SYMPK: variants seen among roughly 807,000 people sequenced by gnomAD.
SYMPK encodes symplekin.
A neutral mutation model predicts 136.4 loss-of-function variants in SYMPK; 49 were observed. The observed-to-expected ratio is 0.36, with a 90% CI of 0.29 to 0.46. The LOEUF (loss-of-function observed/expected upper bound fraction) is 0.46, where lower values mean the gene tolerates loss of function less well. Ranked by LOEUF, SYMPK falls within the 20% of genes least tolerant of loss-of-function variation. SYMPK has a pLI of 1.00. For missense variants in SYMPK, 1,365 were observed against 1,690.0 expected (o/e 0.81, Z 3.37); for synonymous variants, 766 against 713.0 (o/e 1.07, Z -1.19).
At chr19:45,841,642 A>G (rs1971439654) in intron 9 of SYMPK, among the ~76,000 whole-genome samples, 1 of 152,186 alleles carries the variant, frequency 6.6e-6, no homozygotes, top group Non-Finnish European at 1.5e-5. Context: ...TAAATGCTCT[A>G]GAAAAAAAGT....
At chr19:45,856,133 C>T (rs1017007854) in intron 1 of SYMPK, among the ~76,000 whole-genome samples, 42 of 152,104 alleles carry the variant, frequency 2.8e-4, no homozygotes, top group Non-Finnish European at 7.4e-5. Context: ...ACGGGTGGAT[C>T]GTCTGAGGTT....
chr19:45,826,559 G>A (rs572938639), intron 16 of SYMPK, among the ~76,000 whole-genome samples, 186 bp from the exon 17 acceptor site: 3 of 152,214 alleles, frequency 2.0e-5, no homozygotes, highest in East Asian at 3.9e-4. Flanking sequence ...GGCCGGACCC[G>A]CAGCACCACC....
intron 10 of SYMPK, among the ~76,000 whole-genome samples, chr19:45,836,034 ACATC>A (rs1971293587): frequency 1.3e-5 from 2 of 152,160 alleles, no homozygotes; most frequent in African/African-American, 4.8e-5. Context: ...CTAACAGAGA[ACATC>A]CATGGATGTC....
rs1310713021 is a variant in SYMPK, at chr19:45,815,706, C to T, written c.3688-9G>A. The T allele has an allele frequency of 1.9e-6, 3 of 1,608,144 alleles. No individual in the cohort carries two copies. Among genetic ancestry groups the T allele is most frequent in the Non-Finnish European group, 2.5e-6 (3 of 1,178,090 alleles). On this transcript the variant is annotated splice_polypyrimidine_tract_variant and intron_variant, in intron 26 of 26. Coordinates refer to ENST00000245934, the MANE Select transcript of SYMPK (RefSeq NM_004819.3). ...CCGCCCGCTGCCGTCTCCTGGTGAC[C>T]GGGGAAGGAAAGGGCAGCCGGGTGG...
intron 8 of SYMPK, among the ~76,000 whole-genome samples, chr19:45,843,729 A>C (rs1232801978): frequency 6.6e-6 from 1 of 151,724 alleles, no homozygotes; most frequent in African/African-American, 2.4e-5. Context: ...GGCGAATCAC[A>C]AGGTCAAGAG....
chr19:45,826,750 G>A (rs899523711), intron 16 of SYMPK, among the ~76,000 whole-genome samples: 13 of 152,192 alleles, frequency 8.5e-5, no homozygotes, highest in African/African-American at 3.1e-4. Context: ...GAGCCGTGAG[G>A]GAAGGGTCTG....
At chr19:45,827,084 G>GCTCT (rs1251643708) in intron 16 of SYMPK, among the ~76,000 whole-genome samples, 1 of 152,124 alleles carries the variant, frequency 6.6e-6, no homozygotes, top group East Asian at 1.9e-4. Flanking sequence ...GCCACACACT[G>GCTCT]CTCTGCTCAG....
Position 45,816,793 on chromosome 19 carries a change from G to A in SYMPK, c.3258+5C>T, listed in dbSNP as rs1217059642. The A allele has an allele frequency of 6.6e-7, 1 of 1,526,524 alleles. No homozygotes were observed. Among genetic ancestry groups the A allele is most frequent in the African/African-American group, 1.4e-5 (1 of 71,820 alleles). 94.6% of individuals were successfully genotyped at this position (1,526,524 alleles called of 1,614,324 possible). On this transcript the variant is annotated splice_donor_5th_base_variant and intron_variant, in intron 24 of 26. Transcript: ENST00000245934. The stretch of plus-strand genomic sequence containing the variant: ...GAAAGGGTACCTGGTGGGGGGAAGG[G>A]GTACCTGGTGGGGGGTGAAGGAGCG...
chr19:45,858,807 G>A (rs111318174), intron 1 of SYMPK, among the ~76,000 whole-genome samples: 3 of 151,818 alleles, frequency 2.0e-5, no homozygotes, highest in Admixed American at 6.6e-5. Flanking sequence ...GAGCCACCGC[G>A]CCCGGCCGAC....
Position 45,816,094 on chromosome 19 carries a change from G to C in SYMPK, c.3444C>G (p.Ala1148=), listed in dbSNP as rs1277103943. 7.1e-6 allele frequency: 11 copies of C among 1,557,252 alleles called. No individual in the cohort carries two copies. The East Asian group carries it at 2.4e-4, about 34-fold the overall frequency. ...GTTCCTCCTCCAGCTGCCGCTTTAAGGCCTTCTCCTGGGCCAGTCGCAGGC... is the reference window on the plus strand; with the variant it reads ...GTTCCTCCTCCAGCTGCCGCTTTAACGCCTTCTCCTGGGCCAGTCGCAGGC... ...LIGLRLAQEK[A]LKRQLEEEQK... The change falls in exon 26 of 27, where the codon GCC becomes GCG. Residue 1148 remains alanine, a synonymous_variant. Transcript: ENST00000245934.
intron 5 of SYMPK, among the ~76,000 whole-genome samples, chr19:45,850,590 A>G (rs1971675633): frequency 6.6e-6 from 1 of 152,218 alleles, no homozygotes; most frequent in South Asian, 2.1e-4. Context: ...CGAGGCTGCC[A>G]TAATTACGGA....
chr19:45,825,058 A>C, intron 18 of SYMPK, 113 bp downstream of exon 18: 1 of 1,389,974 alleles, frequency 7.2e-7, no homozygotes, highest in East Asian at 2.3e-5. Flanking sequence ...GCCCGGGGTG[A>C]CCACCCTTCG....
Position 45,821,620 on chromosome 19 carries a change from A to ATTTTTTAATGATACG in SYMPK, c.2792-136_2792-135insCGTATCATTAAAAAA. On this transcript the variant is annotated intron_variant, in intron 21 of 26. Transcript: ENST00000245934. This position sits in a 1 kb window ranked among gnomAD's most constrained non-coding sequence, Gnocchi z 4.4. ...CTGCTTTCAGGGCTGGAACAGGGGAAGCGACTGACAACATAAAAAGGGGAC... is the reference window on the plus strand; with the variant it reads ...CTGCTTTCAGGGCTGGAACAGGGGAATTTTTTAATGATACGGCGACTGACAACATAAAAAGGGGAC... 1 of 662,126 alleles carries ATTTTTTAATGATACG rather than the reference A, an allele frequency of 1.5e-6. No individual in the cohort carries two copies. Among genetic ancestry groups the ATTTTTTAATGATACG allele is most frequent in the African/African-American group, 1.8e-5 (1 of 54,344 alleles). 41.0% of individuals were successfully genotyped at this position (662,126 alleles called of 1,614,324 possible).
Position 45,841,906 on chromosome 19 carries a change from A to C in SYMPK, c.1087+344T>G, listed in dbSNP as rs897628108. Among the ~76,000 whole-genome samples, 10 of 152,198 alleles carry C rather than the reference A, an allele frequency of 6.6e-5. No homozygotes were observed. The South Asian group carries it at 2.1e-3, about 31-fold the overall frequency. On this transcript the variant is annotated intron_variant, in intron 9 of 26. Coordinates refer to ENST00000245934, the MANE Select transcript of SYMPK (RefSeq NM_004819.3). The stretch of plus-strand genomic sequence containing the variant: ...TTTTCATTTTATTCCTTTCTGTAAA[A>C]TTTAAATAATGCATAATTTATTAAA...
Position 45,831,406 on chromosome 19 carries a change from T to C in SYMPK, c.1576A>G (p.Ile526Val), listed in dbSNP as rs1971170564. 1 of 1,585,944 alleles carries C rather than the reference T, an allele frequency of 6.3e-7. No homozygotes were observed. The highest frequency in any genetic ancestry group is 8.6e-7 in the Non-Finnish European group (1 of 1,165,546). ...APQAKRRPEP[I>V]IPVTQPRLAG... is the part of the protein sequence containing the mutation. ...CACCGGGGCTGAGTGACAGGGATAA[T>C]GGGCTCTGGCCTCCTCTTGGCCTGC... The change falls in exon 12 of 27, where the codon ATT (isoleucine) becomes GTT (valine). Residue 526 changes from isoleucine to valine, a missense_variant. By Grantham distance (29) the Ile-to-Val change is conservative. Transcript: ENST00000245934.
chr19:45,816,577 G>T lies in SYMPK; in HGVS notation c.3259C>A (p.Gln1087Lys). The change falls in exon 25 of 27, where the codon CAA becomes AAA. Residue 1087 changes from glutamine (Q) to lysine (K), a missense_variant and splice_region_variant. Physicochemically the swap from Gln to Lys is moderately conservative, Grantham distance 53. Coordinates refer to ENST00000245934, the MANE Select transcript of SYMPK (RefSeq NM_004819.3). ...ATGATGGAGTTAGGGATGTGAGCTT[G>T]CTGGGTGGAGAGCAGGAAGGGGGCG... ...AHVRSFTPHQ[Q>K]AHIPNSIMTI... The T allele has an allele frequency of 6.2e-7, 1 of 1,613,618 alleles. No individual in the cohort carries two copies. The highest frequency in any genetic ancestry group is 1.3e-5 in the African/African-American group (1 of 75,044).
In SYMPK at chr19:45,815,580, C is replaced by A. The variant is rs1416477196; in HGVS notation, c.3805G>T (p.Glu1269Ter). 1 of 1,599,030 alleles carries A rather than the reference C, an allele frequency of 6.3e-7. No individual in the cohort carries two copies. The highest frequency in any genetic ancestry group is 1.1e-5 in the South Asian group (1 of 88,830). Residue 1269 changes from glutamate (E) to a stop codon, truncating the protein, a stop_gained, in exon 27 of 27, where the codon GAG becomes TAG. Coordinates refer to ENST00000245934, the MANE Select transcript of SYMPK (RefSeq NM_004819.3). LOFTEE classifies it high-confidence loss of function. The part of the protein sequence containing the change: ...SPAAEDAREP[E>*]AKGNS ...CCCCGTCAGCTGTTCCCCTTGGCCT[C>A]GGGTTCCCTGGCGTCCTCGGCAGCC...
At chr19:45,858,025 C>T (rs1319242510) in intron 1 of SYMPK, among the ~76,000 whole-genome samples, 1 of 151,998 alleles carries the variant, frequency 6.6e-6, no homozygotes. Context: ...TCTCGAACTC[C>T]TGACCTCAGG....
intron 1 of SYMPK, among the ~76,000 whole-genome samples, chr19:45,856,051 CAG>C (rs918239680): frequency 4.0e-5 from 6 of 151,794 alleles, no homozygotes; most frequent in East Asian, 2.0e-4. Context: ...GCAGAGGAAA[CAG>C]GGTAAAAAAA....
Sources: allele counts gnomAD v4.1 joint callset (sites outside exome capture counted in the v4.1 genomes callset), GRCh38; gene constraint gnomAD v4.1.1; non-coding constraint Gnocchi (gnomAD v3.1); transcripts MANE v1.5; gene names NCBI Gene and HGNC (gene_info 2026-07-23, HGNC 2026-07-21).